Variants in NDUFA11 observed in about 807,000 individuals in gnomAD.
The protein encoded by NDUFA11 is NADH dehydrogenase [ubiquinone] 1 alpha subcomplex subunit 11.
NDUFA11 carries 14 observed loss-of-function variants against 11.3 expected under a neutral mutation model. The observed-to-expected ratio is 1.24, with a 90% CI of 0.82 to 1.94. The LOEUF is 1.94. NDUFA11 is among the 30% of genes most tolerant of loss of function. NDUFA11 has a pLI of 0.00. For missense variants in NDUFA11, 204 were observed against 200.3 expected (o/e 1.02, Z -0.11); for synonymous variants, 87 against 85.6 (o/e 1.02, Z -0.09).
chr19:5,898,317 C>A (rs1050429459), intron 1 of NDUFA11, among the ~76,000 whole-genome samples: 5 of 152,196 alleles, frequency 3.3e-5, no homozygotes, highest in East Asian at 1.9e-4. Context: ...AGTGACCCCC[C>A]CCAACAGCAC....
chr19:5,896,619 GCAGGAGCCTCTTGGGCGCT>G lies in NDUFA11; in HGVS notation c.191-63_191-45del. The G allele has an allele frequency of 6.4e-7, 1 of 1,554,180 alleles. No individual in the cohort carries two copies. On this transcript the variant is annotated intron_variant, in intron 2 of 3. Transcript: ENST00000308961. This position sits in a 1 kb window ranked among gnomAD's most constrained non-coding sequence, Gnocchi z 5.8. ...GAGCAAGGGCCTCGAGACGGGCACA[GCAGGAGCCTCTTGGGCGCT>G]CACTGCCAGTGTCTGGATGGAGAGA...
At chr19:5,892,865 G>A, downstream of NDUFA11, 2 of 1,395,094 alleles carry the variant, frequency 1.4e-6, no homozygotes, top group Admixed American at 5.8e-5. Flanking sequence ...TACCAGGTGG[G>A]AAAGCTGAGG....
At chr19:5,893,680 G>A (rs541323357), downstream of NDUFA11, among the ~76,000 whole-genome samples, 14 of 152,324 alleles carry the variant, frequency 9.2e-5, no homozygotes, top group East Asian at 2.7e-3. The surrounding 1 kb of genome is among the most constrained non-coding windows in gnomAD (Gnocchi z 4.1). Flanking sequence ...GAGGTGGGAG[G>A]ATTGCTTGGG....
chr19:5,893,919 G>A (rs964243320), downstream of NDUFA11, among the ~76,000 whole-genome samples: 4 of 152,158 alleles, frequency 2.6e-5, no homozygotes, highest in African/African-American at 9.7e-5. This position sits in a 1 kb window ranked among gnomAD's most constrained non-coding sequence, Gnocchi z 4.1. Flanking sequence ...GCACAGCTCC[G>A]CTCCCCTGGG....
chr19:5,893,935 C>A (rs1041292050), downstream of NDUFA11, among the ~76,000 whole-genome samples: 1 of 152,152 alleles, frequency 6.6e-6, no homozygotes, highest in Non-Finnish European at 1.5e-5. The surrounding 1 kb of genome is among the most constrained non-coding windows in gnomAD (Gnocchi z 4.1). Context: ...CTGGGTGGAG[C>A]CTGGAGCGCC....
At chr19:5,901,207 G>A (rs945480225) in intron 1 of NDUFA11, 3 of 878,588 alleles carry the variant, frequency 3.4e-6, no homozygotes, top group Non-Finnish European at 4.5e-6. Context: ...CACTCATTTT[G>A]TATTCACACA....
At chr19:5,900,568 A>G (rs2057638587) in intron 1 of NDUFA11, among the ~76,000 whole-genome samples, 1 of 152,160 alleles carries the variant, frequency 6.6e-6, no homozygotes, top group Admixed American at 6.6e-5. Context: ...TGAGGGGAGG[A>G]CCCAGAAACA....
At position 5,896,455 on chromosome 19, in the gene NDUFA11, C is replaced by T. The variant is rs199842745; in HGVS notation, c.311G>A (p.Arg104His). Residue 104 changes from arginine to histidine, a missense_variant and splice_region_variant, in exon 3 of 4, where the codon CGC becomes CAC. By Grantham distance (29) the Arg-to-His change is conservative. Transcript: ENST00000308961. The surrounding 1 kb of genome is among the most constrained non-coding windows in gnomAD (Gnocchi z 5.8). The stretch of plus-strand genomic sequence containing the variant: ...GGGGTGGGGAGGGGGCCACTCACTG[C>T]GTGCTCCCAGAGTCAGGCCTCCGGC... The part of the protein sequence containing the change: ...GCAGGLTLGA[R>H]THNYGIGAAA... 8 of 1,570,456 alleles carry T rather than the reference C, an allele frequency of 5.1e-6. No homozygotes were observed. The highest frequency in any genetic ancestry group is 2.3e-5 in the South Asian group (2 of 85,600).
downstream of NDUFA11, chr19:5,893,313 C>A (rs1045597248): frequency 9.8e-7 from 1 of 1,022,402 alleles, no homozygotes; most frequent in Admixed American, 2.1e-5. The surrounding 1 kb of genome is among the most constrained non-coding windows in gnomAD (Gnocchi z 4.1). Flanking sequence ...AAAATAAAAA[C>A]AATTAGCTGG....
At position 5,898,864 on chromosome 19, in the gene NDUFA11, A is replaced by G. The variant is rs140876592; in HGVS notation, c.98-1867T>C. 1.5e-3 allele frequency among the ~76,000 whole-genome samples: 216 copies of G among 145,926 alleles called. 5 individuals are homozygous for G. The East Asian group carries it at 0.035, about 23-fold the overall frequency. On this transcript the variant is annotated intron_variant, in intron 1 of 3. Transcript: ENST00000308961. ...ACTCCAGCCTGGGGGACAGAGTGAG[A>G]CTCCGTCTCAAAATAAAAAAAAAAA...
At position 5,896,578 on chromosome 19, in the gene NDUFA11, G is replaced by A; in HGVS notation, c.191-3C>T. 3.2e-6 allele frequency: 5 copies of A among 1,563,952 alleles called. No homozygotes were observed. Among genetic ancestry groups the A allele is most frequent in the Non-Finnish European group, 4.3e-6 (5 of 1,155,030 alleles). On this transcript the variant is annotated splice_polypyrimidine_tract_variant and splice_region_variant and intron_variant, in intron 2 of 3. Coordinates refer to ENST00000308961, the MANE Select transcript of NDUFA11 (RefSeq NM_175614.5). This position sits in a 1 kb window ranked among gnomAD's most constrained non-coding sequence, Gnocchi z 5.8. ...GCCAAACACGGCCCCGACAGCAGCT[G>A]CGGGGTAGACGGGAAGAGCAAGGGC...
chr19:5,897,072 T>C, intron 1 of NDUFA11, 75 bp from the exon 2 acceptor site: 2 of 1,204,546 alleles, frequency 1.7e-6, no homozygotes, highest in Non-Finnish European at 2.5e-6. Context: ...CCCCACTGGG[T>C]GGTCTCCCTC....
At chr19:5,899,063 G>A (rs2057628042) in intron 1 of NDUFA11, among the ~76,000 whole-genome samples, 1 of 147,332 alleles carries the variant, frequency 6.8e-6, no homozygotes, top group Non-Finnish European at 1.5e-5. Flanking sequence ...TTCAGTCAGT[G>A]CACACACACA....
downstream of NDUFA11, chr19:5,891,402 G>A (rs1475891475): frequency 1.3e-5 from 2 of 152,206 alleles, no homozygotes; most frequent in African/African-American, 2.4e-5. Flanking sequence ...TGGGATTACA[G>A]GTGCCTGCCA....
intron 1 of NDUFA11, among the ~76,000 whole-genome samples, chr19:5,897,475 G>A (rs1363950717): frequency 6.6e-6 from 1 of 152,088 alleles, no homozygotes; most frequent in Non-Finnish European, 1.5e-5. Context: ...ATTCTCCTGT[G>A]GGGCCCGGGG....
At position 5,894,745 on chromosome 19, in the gene NDUFA11, C is replaced by T. The variant is rs2057596859; in HGVS notation, c.423G>A (p.Val141=). The T allele has an allele frequency of 1.9e-6, 3 of 1,612,936 alleles. No individual in the cohort carries two copies. The highest frequency in any genetic ancestry group is 2.5e-6 in the Non-Finnish European group (3 of 1,179,590). The change falls in exon 4 of 4, where the codon GTG becomes GTA. Residue 141 remains valine (V), a synonymous_variant. Transcript: ENST00000308961. ...GAGGTCCCGGCAGGCACAGGGCTCA[C>T]ACCTTGGGTTTTGCAAACACCTCCC... ...EGWEVFAKPK[V]
At chr19:5,901,857 G>A (rs895318042) in intron 1 of NDUFA11, among the ~76,000 whole-genome samples, 1 of 151,848 alleles carries the variant, frequency 6.6e-6, no homozygotes, top group Admixed American at 6.6e-5. Flanking sequence ...ATTTTTAGTA[G>A]AGACGGGTTT....
chr19:5,896,503 AG>A lies in NDUFA11; in HGVS notation c.262del (p.Leu88Ter). On this transcript the variant is annotated frameshift_variant, in exon 3 of 4. Transcript: ENST00000308961. LOFTEE classifies it high-confidence loss of function. This position sits in a 1 kb window ranked among gnomAD's most constrained non-coding sequence, Gnocchi z 5.8. The stretch of plus-strand genomic sequence containing the variant: ...GGCGCAGCCACCGAGGAAGTAGTTC[AG>A]GGGGTCGTCGGGCTTCTCGCGGACA... ...AHVREKPDDP[L>X]NYFLGGCAGG... 6.4e-7 allele frequency: 1 copy of A among 1,573,336 alleles called. No individual in the cohort carries two copies. The highest frequency in any genetic ancestry group is 1.3e-5 in the African/African-American group (1 of 74,466).
chr19:5,903,767 C>A lies in NDUFA11; in HGVS notation c.-59G>T, dbSNP rs1163879670. On this transcript the variant is annotated 5_prime_UTR_variant, in exon 1 of 4. Transcript: ENST00000308961. ...GCCAGCTCGGGAAGCGCAAGGGCAG[C>A]CGCGGCTGGCTATCGCGAGACTTCT... 4 of 1,517,464 alleles carry A rather than the reference C, an allele frequency of 2.6e-6. No individual in the cohort carries two copies. The East Asian group carries it at 9.8e-5, about 37-fold the overall frequency. The allele number at this position is 1,517,464 out of a possible 1,614,324, so 94.0% of individuals were successfully genotyped here.
Sources: allele counts gnomAD v4.1 joint callset (sites outside exome capture counted in the v4.1 genomes callset), GRCh38; gene constraint gnomAD v4.1.1; non-coding constraint Gnocchi (gnomAD v3.1); transcripts MANE v1.5; gene names NCBI Gene and HGNC (gene_info 2026-07-23, HGNC 2026-07-21).